Variants in FRMD5 observed in about 807,000 individuals in gnomAD.
The protein encoded by FRMD5 is FERM domain containing 5.
A neutral mutation model predicts 69.0 loss-of-function variants in FRMD5; 20 were observed. The ratio of observed to expected loss-of-function variants is 0.29; its 90% CI spans 0.20 to 0.42. FRMD5 has a LOEUF of 0.42. Among genes scored for constraint, FRMD5 ranks in the 10% least tolerant of loss-of-function variants. The probability of loss-of-function intolerance (pLI) is 1.00; values close to 1 mark genes in which losing one functional copy is unlikely to be tolerated. For missense variants in FRMD5, 595 were observed against 708.6 expected (o/e 0.84, Z 1.82); for synonymous variants, 271 against 260.1 (o/e 1.04, Z -0.40).
At chr15:43,987,565 G>GT (rs1392550949) in intron 1 of FRMD5, among the ~76,000 whole-genome samples, 9 of 151,758 alleles carry the variant, frequency 5.9e-5, no homozygotes, top group Non-Finnish European at 1.3e-4. Context: ...TACTTTTTTT[G>GT]TTTTTTTGAG....
chr15:43,917,720 C>T (rs2089418758), intron 4 of FRMD5: 1 of 152,240 alleles, frequency 6.6e-6, no homozygotes, highest in Non-Finnish European at 1.5e-5. Context: ...CCCTTACTCA[C>T]CTACCTAAAG....
At chr15:43,974,548 T>C (rs1204763561) in intron 1 of FRMD5, among the ~76,000 whole-genome samples, 1 of 152,238 alleles carries the variant, frequency 6.6e-6, no homozygotes, top group Non-Finnish European at 1.5e-5. Context: ...AGTTAACTCC[T>C]ACCTATACTC....
intron 1 of FRMD5, among the ~76,000 whole-genome samples, chr15:43,968,192 T>C (rs567409489): frequency 5.8e-4 from 88 of 152,346 alleles, no homozygotes; most frequent in African/African-American, 2.0e-3. Context: ...ATCTTATCTT[T>C]ATCTCATCTG....
chr15:43,902,016 C>T (rs1266188452), intron 7 of FRMD5, 159 bp downstream of exon 7: 3 of 649,916 alleles, frequency 4.6e-6, no homozygotes, highest in Admixed American at 5.1e-5. Flanking sequence ...GCATGTGATC[C>T]AGAGGAGTTT....
rs749239354 is a variant in FRMD5, at chr15:44,014,502, C to T, written c.103-90193G>A. Among the ~76,000 whole-genome samples, 6 of 152,140 alleles carry T rather than the reference C, an allele frequency of 3.9e-5. No homozygotes were observed. The East Asian group carries it at 5.8e-4, about 15-fold the overall frequency. Reference sequence around the variant, plus strand: ...CTGTAATCCCAACATTTTGGGAGGCCGAGGCGGGAAGATTGCCTGAGGTCA... The same window carrying T: ...CTGTAATCCCAACATTTTGGGAGGCTGAGGCGGGAAGATTGCCTGAGGTCA... On this transcript the variant is annotated intron_variant, in intron 1 of 13. Coordinates refer to ENST00000417257, the MANE Select transcript of FRMD5 (RefSeq NM_032892.5).
rs190507616 is a variant in FRMD5 at position 44,122,902 on chromosome 15, A to T, written c.102+72051T>A. ...CAAGACTCTGTATCAAAAAAAATTTAAAAAAAAAGATAAAACCTCTAATTT... is the reference window on the plus strand; with the variant it reads ...CAAGACTCTGTATCAAAAAAAATTTTAAAAAAAAGATAAAACCTCTAATTT... On this transcript the variant is annotated intron_variant, in intron 1 of 13. Coordinates refer to ENST00000417257, the MANE Select transcript of FRMD5 (RefSeq NM_032892.5). 7.7e-3 allele frequency among the ~76,000 whole-genome samples: 1,175 copies of T among 151,926 alleles called. 14 individuals are homozygous for T. Among genetic ancestry groups the T allele is most frequent in the African/African-American group, 0.027 (1,099 of 41,408 alleles).
chr15:44,189,932 A>C lies in FRMD5; in HGVS notation c.102+5021T>G, dbSNP rs146228265. ...ACACCATTCTCCCTGCAACATGGGA[A>C]TGGAGATGCTTTAGTACCCTTCAAA... On this transcript the variant is annotated intron_variant, in intron 1 of 13. Coordinates refer to ENST00000417257, the MANE Select transcript of FRMD5 (RefSeq NM_032892.5). 2.5e-3 allele frequency among the ~76,000 whole-genome samples: 386 copies of C among 152,310 alleles called. 3 individuals carry two copies. The highest frequency in any genetic ancestry group is 0.024 in the Middle Eastern group (7 of 294).
At chr15:44,167,750 C>T (rs367755436) in intron 1 of FRMD5, among the ~76,000 whole-genome samples, 14 of 152,248 alleles carry the variant, frequency 9.2e-5, no homozygotes, top group East Asian at 7.8e-4. Flanking sequence ...CCATGATGCC[C>T]GGCTAATTTT....
intron 1 of FRMD5, among the ~76,000 whole-genome samples, chr15:44,110,744 C>T (rs1459542486): frequency 1.3e-5 from 2 of 152,168 alleles, no homozygotes; most frequent in Non-Finnish European, 2.9e-5. Context: ...TTTAATGAAG[C>T]CATGCTCTAG....
chr15:44,160,927 G>T (rs970878797), intron 1 of FRMD5, among the ~76,000 whole-genome samples: 1 of 152,144 alleles, frequency 6.6e-6, no homozygotes, highest in African/African-American at 2.4e-5. Flanking sequence ...TTGCTCACTT[G>T]TTGGGGATGC....
intron 1 of FRMD5, among the ~76,000 whole-genome samples, chr15:44,066,606 A>T (rs1893322833): frequency 6.6e-6 from 1 of 152,204 alleles, no homozygotes; most frequent in Non-Finnish European, 1.5e-5. Context: ...AGAACATGTT[A>T]TGAAGGGCTT....
chr15:44,154,365 A>T lies in FRMD5; in HGVS notation c.102+40588T>A, dbSNP rs575751238. The stretch of plus-strand genomic sequence containing the variant: ...AAAAAAAACCTTGGGAAAAAACTTT[A>T]AAAAAAAAAGACCAATAGAGTACAC... On this transcript the variant is annotated intron_variant, in intron 1 of 13. Coordinates refer to ENST00000417257, the MANE Select transcript of FRMD5 (RefSeq NM_032892.5). 4.0e-5 allele frequency among the ~76,000 whole-genome samples: 6 copies of T among 149,246 alleles called. No homozygotes were observed. In the East Asian group the frequency reaches 5.9e-4, roughly 15 times the overall value.
At position 43,968,761 on chromosome 15, in the gene FRMD5, A is replaced by G. The variant is rs560937159; in HGVS notation, c.103-44452T>C. On this transcript the variant is annotated intron_variant, in intron 1 of 13. Transcript: ENST00000417257. ...GGAAAAACACATTCCTATGTTTAAC[A>G]AGCTTTTCCTTCATTGCAAAATGAC... Among the ~76,000 whole-genome samples, 3 of 152,342 alleles carry G rather than the reference A, an allele frequency of 2.0e-5. No homozygotes were observed. The South Asian group carries it at 6.2e-4, about 32-fold the overall frequency.
chr15:44,073,931 G>C (rs908130428), intron 1 of FRMD5, among the ~76,000 whole-genome samples: 1 of 151,942 alleles, frequency 6.6e-6, no homozygotes, highest in African/African-American at 2.4e-5. Flanking sequence ...TTGTTAAATG[G>C]GATTCTATCC....
At chr15:43,929,430 C>T (rs938395295) in intron 1 of FRMD5, among the ~76,000 whole-genome samples, 5 of 152,156 alleles carry the variant, frequency 3.3e-5, no homozygotes, top group African/African-American at 1.2e-4. Context: ...TTTATTCAAT[C>T]CTGCTTACTT....
At chr15:43,893,192 G>A (rs1001213267) in intron 7 of FRMD5, among the ~76,000 whole-genome samples, 1 of 152,038 alleles carries the variant, frequency 6.6e-6, no homozygotes, top group African/African-American at 2.4e-5. Context: ...ATTAAAGAGT[G>A]GGGGAGTTGT....
At chr15:44,076,891 G>A (rs978005753) in intron 1 of FRMD5, among the ~76,000 whole-genome samples, 4 of 151,888 alleles carry the variant, frequency 2.6e-5, no homozygotes, top group African/African-American at 9.7e-5. Flanking sequence ...CCAGAAATGG[G>A]TATCTTAGAG....
intron 13 of FRMD5, 134 bp downstream of exon 13, chr15:43,883,569 A>ACCT: frequency 4.7e-6 from 3 of 645,124 alleles, no homozygotes; most frequent in Non-Finnish European, 8.3e-6. Context: ...ACTGGATAAA[A>ACCT]CCTCCTACTT....
intron 13 of FRMD5, among the ~76,000 whole-genome samples, chr15:43,880,831 C>G (rs1401222250): frequency 2.0e-5 from 3 of 152,236 alleles, no homozygotes; most frequent in African/African-American, 7.2e-5. Context: ...AGCCTCTCCC[C>G]ACTGTACGTC....
Sources: allele counts gnomAD v4.1 joint callset (sites outside exome capture counted in the v4.1 genomes callset), GRCh38; gene constraint gnomAD v4.1.1; transcripts MANE v1.5; gene names NCBI Gene and HGNC (gene_info 2026-07-23, HGNC 2026-07-21).